Variants in QTMAN observed in about 807,000 individuals in gnomAD.
QTMAN encodes the protein tRNA-queuosine alpha-mannosyltransferase.
the QTMAN span, among the ~76,000 whole-genome samples, chr2:144,215,185 TG>T: frequency 6.6e-6 from 1 of 151,744 alleles, no homozygotes; most frequent in Non-Finnish European, 1.5e-5. Context: ...GAAGTTACAG[TG>T]AGCCATGATT....
the QTMAN span, among the ~76,000 whole-genome samples, chr2:144,004,157 T>C: frequency 6.6e-6 from 1 of 151,752 alleles, no homozygotes; most frequent in Non-Finnish European, 1.5e-5. Context: ...CAGGCTACTG[T>C]AAAGAAAACC....
chr2:144,296,313 T>C, the QTMAN span, among the ~76,000 whole-genome samples: 3 of 152,222 alleles, frequency 2.0e-5, no homozygotes, highest in Admixed American at 6.5e-5. Context: ...TTAATAATTA[T>C]TCACTTTAGA....
the QTMAN span, among the ~76,000 whole-genome samples, chr2:144,085,445 A>C: frequency 6.6e-6 from 1 of 152,192 alleles, no homozygotes; most frequent in Non-Finnish European, 1.5e-5. Context: ...AAGAGTGCTA[A>C]ATGGGAGAGT....
At chr2:143,999,755 C>T in the QTMAN span, among the ~76,000 whole-genome samples, 2 of 152,074 alleles carry the variant, frequency 1.3e-5, no homozygotes, top group African/African-American at 2.4e-5. Flanking sequence ...GGGTCCTGAG[C>T]AGTTGAAGAT....
At chr2:143,989,687 A>G in the QTMAN span, among the ~76,000 whole-genome samples, 1 of 152,208 alleles carries the variant, frequency 6.6e-6, no homozygotes, top group African/African-American at 2.4e-5. Flanking sequence ...ACACACACAT[A>G]CACACACGTA....
chr2:143,982,207 A>G, the QTMAN span, among the ~76,000 whole-genome samples: 2 of 151,924 alleles, frequency 1.3e-5, no homozygotes, highest in Non-Finnish European at 1.5e-5. Flanking sequence ...TGAGTATCGA[A>G]CAATTTCTTT....
At chr2:144,162,446 T>G in the QTMAN span, among the ~76,000 whole-genome samples, 1 of 152,104 alleles carries the variant, frequency 6.6e-6, no homozygotes, top group Non-Finnish European at 1.5e-5. Context: ...TGGAAAATCT[T>G]GTACAGATGT....
At chr2:144,096,484 A>G in the QTMAN span, among the ~76,000 whole-genome samples, 1 of 152,242 alleles carries the variant, frequency 6.6e-6, no homozygotes, top group Admixed American at 6.5e-5. Flanking sequence ...CTACAATTCC[A>G]TTACTTTCAT....
the QTMAN span, chr2:143,957,137 A>G: frequency 2.2e-6 from 3 of 1,338,342 alleles, no homozygotes; most frequent in Non-Finnish European, 3.0e-6. Context: ...CAGCGAACAC[A>G]CATAGTAAAA....
chr2:144,018,984 A>C, the QTMAN span, among the ~76,000 whole-genome samples: 1 of 152,228 alleles, frequency 6.6e-6, no homozygotes, highest in African/African-American at 2.4e-5. Context: ...CAGCATGTGC[A>C]TAAAGCCCAG....
the QTMAN span, among the ~76,000 whole-genome samples, chr2:144,255,617 G>A: frequency 7.7e-4 from 118 of 152,302 alleles, 2 homozygotes; most frequent in East Asian, 0.02. Flanking sequence ...AAAGTTGTAA[G>A]ATTGCAACTA....
At chr2:144,119,041 T>C in the QTMAN span, among the ~76,000 whole-genome samples, 2 of 152,082 alleles carry the variant, frequency 1.3e-5, no homozygotes, top group Non-Finnish European at 2.9e-5. Context: ...AATTATACAC[T>C]AGGTAAGAAT....
the QTMAN span, chr2:144,295,255 C>T: frequency 1.3e-5 from 2 of 152,158 alleles, no homozygotes; most frequent in Non-Finnish European, 2.9e-5. Context: ...GGCTCACTTC[C>T]TAAGGGAAGC....
chr2:144,182,718 A>G, the QTMAN span, among the ~76,000 whole-genome samples: 2 of 133,964 alleles, frequency 1.5e-5, no homozygotes, highest in Non-Finnish European at 3.1e-5. Flanking sequence ...ATTAGTTAGT[A>G]GGCTGTAATC....
chr2:144,052,795 G>A, the QTMAN span, among the ~76,000 whole-genome samples: 3 of 152,258 alleles, frequency 2.0e-5, no homozygotes, highest in African/African-American at 4.8e-5. Flanking sequence ...GGGATTACAG[G>A]CATGCGCCAC....
the QTMAN span, among the ~76,000 whole-genome samples, chr2:144,038,562 T>C: frequency 6.6e-6 from 1 of 152,192 alleles, no homozygotes; most frequent in Non-Finnish European, 1.5e-5. Context: ...TACCCAATAT[T>C]GTATGCAATA....
chr2:144,022,855 CCTCTCTTTATCAATT>C, the QTMAN span, among the ~76,000 whole-genome samples: 16 of 152,226 alleles, frequency 1.1e-4, no homozygotes, highest in Admixed American at 4.6e-4. Flanking sequence ...AGAATGTAAT[CCTCTCTTTATCAATT>C]CTCTCTTTAT....
chr2:143,966,137 A>C, the QTMAN span, among the ~76,000 whole-genome samples: 1 of 152,268 alleles, frequency 6.6e-6, no homozygotes, highest in South Asian at 2.1e-4. Context: ...GATTCTGTGA[A>C]TTTCCCTGTA....
chr2:144,102,639 C>T, the QTMAN span, among the ~76,000 whole-genome samples: 1 of 152,152 alleles, frequency 6.6e-6, no homozygotes, highest in African/African-American at 2.4e-5. Flanking sequence ...GCAGCACATT[C>T]ATTTTAAGGA....
Sources: gnomAD v4.1 joint callset for allele counts (sites outside exome capture counted in the v4.1 genomes callset) on GRCh38, gnomAD v4.1.1 for gene constraint, MANE v1.5 for transcripts, NCBI Gene and HGNC (gene_info 2026-07-23, HGNC 2026-07-21) for gene names.